Variants in PRPF39 observed in about 807,000 individuals in gnomAD.
PRPF39 encodes the protein pre-mRNA-processing factor 39.
Under a neutral mutation model 82.1 loss-of-function variants are expected in PRPF39, and 27 were observed. The observed-to-expected ratio is 0.33, with a 90% CI of 0.24 to 0.45. PRPF39 has a LOEUF of 0.45. Ranked by LOEUF, PRPF39 falls within the 20% of genes least tolerant of loss-of-function variation. The pLI is 1.00. For synonymous variants in PRPF39, 261 were observed against 256.4 expected, an observed-to-expected ratio of 1.02 and a Z score of -0.17; for missense variants, 581 against 796.9, an observed-to-expected ratio of 0.73 and a Z score of 3.26.
At chr14:45,095,891 T>TTG (rs1220000503) in intron 2 of PRPF39, among the ~76,000 whole-genome samples, 1 of 144,016 alleles carries the variant, frequency 6.9e-6, no homozygotes, top group African/African-American at 2.5e-5. Flanking sequence ...CTGTGTAGGT[T>TTG]TTTTTTTTTT....
intron 6 of PRPF39, 103 bp downstream of exon 6, chr14:45,107,719 C>T (rs1048780046): frequency 1.7e-5 from 20 of 1,197,746 alleles, no homozygotes; most frequent in Admixed American, 1.0e-4. Context: ...ACCTGAGGTC[C>T]GGAGTTTGAG....
chr14:45,087,168 G>C (rs1007437100), intron 1 of PRPF39, among the ~76,000 whole-genome samples: 17 of 152,134 alleles, frequency 1.1e-4, no homozygotes, highest in African/African-American at 3.9e-4. Flanking sequence ...GACATGGTCA[G>C]CCCACTGCAA....
chr14:45,102,581 CTG>C lies in PRPF39; in HGVS notation c.625_626del (p.Trp209GlyfsTer9), dbSNP rs1884410274. On this transcript the variant is annotated frameshift_variant, in exon 5 of 14. Coordinates refer to ENST00000355765, the MANE Select transcript of PRPF39 (RefSeq NM_017922.4). LOFTEE classifies it high-confidence loss of function. ...AGGAACAGATTTCCGTTCTGACAGA[CTG>C]TGGGAAATGTATATAAACTGGGAAA... is the stretch of plus-strand genomic sequence containing the variant. The part of the protein sequence containing the change: ...AAGTDFRSDR[L>X]WEMYINWENE... The C allele has an allele frequency of 1.9e-6, 3 of 1,611,614 alleles. No individual in the cohort carries two copies. Among genetic ancestry groups the C allele is most frequent in the Non-Finnish European group, 2.5e-6 (3 of 1,178,742 alleles).
Position 45,110,202 on chromosome 14 carries a change from G to A in PRPF39, c.1285G>A (p.Ala429Thr), listed in dbSNP as rs765934368. 1 of 1,613,672 alleles carries A rather than the reference G, an allele frequency of 6.2e-7. No homozygotes were observed. The highest frequency in any genetic ancestry group is 8.5e-7 in the Non-Finnish European group (1 of 1,179,732). ...KKPMVHMLWA[A>T]FEEQQGNINE... The stretch of plus-strand genomic sequence containing the variant: ...ACCCATGGTGCATATGCTTTGGGCA[G>A]CTTTTGAGGAACAGCAGGGTAAGAG... Residue 429 changes from alanine (A) to threonine (T), a missense_variant, in exon 9 of 14, where the codon GCT (alanine) becomes ACT (threonine). By Grantham distance (58) the Ala-to-Thr change is moderately conservative. Transcript: ENST00000355765. This position sits in a 1 kb window ranked among gnomAD's most constrained non-coding sequence, Gnocchi z 4.0.
chr14:45,090,474 T>C (rs1424191543), intron 1 of PRPF39, among the ~76,000 whole-genome samples: 1 of 152,208 alleles, frequency 6.6e-6, no homozygotes, highest in Non-Finnish European at 1.5e-5. Context: ...ACCTCTTCAT[T>C]CTGGTCATTC....
Position 45,110,045 on chromosome 14 carries a change from G to A in PRPF39, c.1177-49G>A, listed in dbSNP as rs747421280. 10 of 1,604,044 alleles carry A rather than the reference G, an allele frequency of 6.2e-6. No homozygotes were observed. The South Asian group carries it at 1.0e-4, about 16-fold the overall frequency. ...TTTATCGTTCTGTCACAAATTTAAT[G>A]GCTTGTTCAACTGTAAATTATTCAG... On this transcript the variant is annotated intron_variant, in intron 8 of 13. Coordinates refer to ENST00000355765, the MANE Select transcript of PRPF39 (RefSeq NM_017922.4). The surrounding 1 kb of genome is among the most constrained non-coding windows in gnomAD (Gnocchi z 4.0).
chr14:45,099,839 T>C (rs1239328021), intron 4 of PRPF39, among the ~76,000 whole-genome samples: 1 of 152,212 alleles, frequency 6.6e-6, no homozygotes, highest in Admixed American at 6.5e-5. Flanking sequence ...CTTTTTGTTA[T>C]TTCTTTGATG....
At chr14:45,102,439 G>C in intron 4 of PRPF39, 90 bp from the exon 5 acceptor site, 1 of 1,123,120 alleles carries the variant, frequency 8.9e-7, no homozygotes, top group Non-Finnish European at 1.2e-6. Context: ...TATAATTTTT[G>C]AAGTTAGCAT....
intron 3 of PRPF39, 57 bp downstream of exon 3, chr14:45,096,285 C>G (rs1594727318): frequency 1.6e-6 from 2 of 1,282,500 alleles, no homozygotes; most frequent in Admixed American, 5.3e-5. Flanking sequence ...CAATTAATAA[C>G]AAAACAAAGA....
intron 5 of PRPF39, among the ~76,000 whole-genome samples, chr14:45,104,340 T>G (rs1031233380): frequency 1.3e-5 from 2 of 152,238 alleles, no homozygotes; most frequent in Admixed American, 1.3e-4. Context: ...TTATCAGTTA[T>G]AGTGAACTCA....
At chr14:45,101,177 A>G (rs1884362003) in intron 4 of PRPF39, among the ~76,000 whole-genome samples, 1 of 152,182 alleles carries the variant, frequency 6.6e-6, no homozygotes, top group Admixed American at 6.5e-5. Flanking sequence ...ATCCTTTTAC[A>G]AAGTCATTTT....
Position 45,114,938 on chromosome 14 carries a change from C to T in PRPF39, c.*25C>T, listed in dbSNP as rs565492536. 2 of 1,538,556 alleles carry T rather than the reference C, an allele frequency of 1.3e-6. No individual in the cohort carries two copies. Among genetic ancestry groups the T allele is most frequent in the East Asian group, 2.3e-5 (1 of 44,324 alleles). On this transcript the variant is annotated 3_prime_UTR_variant, in exon 14 of 14. Transcript: ENST00000355765. ...ATGGGAAAAATGTAAATTTCAAATG[C>T]AGTGTGTGAAAAGTATGAAATTATT...
chr14:45,095,267 A>G lies in PRPF39; in HGVS notation c.28A>G (p.Arg10Gly). 6.2e-7 allele frequency: 1 copy of G among 1,602,966 alleles called. No individual in the cohort carries two copies. The highest frequency in any genetic ancestry group is 8.5e-7 in the Non-Finnish European group (1 of 1,171,430). The change falls in exon 2 of 14, where the codon AGA (arginine) becomes GGA (glycine). Residue 10 changes from arginine to glycine, a missense_variant. By Grantham distance (125) the Arg-to-Gly change is moderately radical. Transcript: ENST00000355765. Reference sequence around the variant, plus strand: ...GCAAAATTCTCACATGGATGAATACAGAAATTCTAGTAATGGCAGCACAGG... The same window carrying G: ...GCAAAATTCTCACATGGATGAATACGGAAATTCTAGTAATGGCAGCACAGG... The part of the protein sequence containing the change: MQNSHMDEY[R>G]NSSNGSTGNS...
chr14:45,090,205 G>C (rs1883976093), intron 1 of PRPF39, among the ~76,000 whole-genome samples: 1 of 152,162 alleles, frequency 6.6e-6, no homozygotes, highest in Non-Finnish European at 1.5e-5. Flanking sequence ...TTTAAAGGAA[G>C]AGGGAAAAAG....
intron 1 of PRPF39, among the ~76,000 whole-genome samples, chr14:45,090,027 T>G (rs1012466319): frequency 6.6e-6 from 1 of 152,230 alleles, no homozygotes; most frequent in African/African-American, 2.4e-5. Context: ...GAAACCCTTA[T>G]GTCTCACCTA....
intron 1 of PRPF39, among the ~76,000 whole-genome samples, chr14:45,087,823 A>AGG (rs1320585567): frequency 6.8e-6 from 1 of 146,810 alleles, no homozygotes. Flanking sequence ...TCCTGACCTC[A>AGG]TGATCCGCCC....
Position 45,112,496 on chromosome 14 carries a change from T to C in PRPF39, c.1751T>C (p.Val584Ala). 6.6e-7 allele frequency: 1 copy of C among 1,507,362 alleles called. No homozygotes were observed. The highest frequency in any genetic ancestry group is 8.8e-7 in the Non-Finnish European group (1 of 1,137,594). The allele number at this position is 1,507,362 out of a possible 1,614,324, so 93.4% of individuals were successfully genotyped here. ...VEFLEDFGSD[V>A]NKLLNAYDEH... Reference sequence around the variant, plus strand: ...TTTCTTGAAGATTTTGGTTCCGATGTTAATAAGTAAGATATTAGTTATATT... The same window carrying C: ...TTTCTTGAAGATTTTGGTTCCGATGCTAATAAGTAAGATATTAGTTATATT... Residue 584 changes from valine to alanine, a missense_variant, in exon 11 of 14, where the codon GTT becomes GCT. Val to Ala is a moderately conservative substitution (Grantham distance 64). Transcript: ENST00000355765.
intron 4 of PRPF39, among the ~76,000 whole-genome samples, chr14:45,099,997 C>T (rs369822242): frequency 6.6e-6 from 1 of 152,166 alleles, no homozygotes; most frequent in East Asian, 1.9e-4. Flanking sequence ...ATGAGCCAGG[C>T]ACAGTGGATC....
intron 1 of PRPF39, among the ~76,000 whole-genome samples, chr14:45,092,593 T>G (rs1452248857): frequency 3.0e-5 from 4 of 131,938 alleles, no homozygotes; most frequent in African/African-American, 1.2e-4. Context: ...AGATCGAGAC[T>G]CTGTCTCAAA....
Sources: allele counts gnomAD v4.1 joint callset (sites outside exome capture counted in the v4.1 genomes callset), GRCh38; gene constraint gnomAD v4.1.1; non-coding constraint Gnocchi (gnomAD v3.1); transcripts MANE v1.5; gene names NCBI Gene and HGNC (gene_info 2026-07-23, HGNC 2026-07-21).